Variants in FMN1 observed in about 807,000 individuals in gnomAD.
FMN1 encodes the protein formin 1.
FMN1 carries 110 observed loss-of-function variants against 132.4 expected under a neutral mutation model. The ratio of observed to expected loss-of-function variants is 0.83; its 90% CI spans 0.71 to 0.97. The LOEUF is 0.97. FMN1 is among the 50% of genes least tolerant of loss of function. The pLI is 0.00. For synonymous variants in FMN1, 722 were observed against 651.7 expected (o/e 1.11, Z -1.64); for missense variants, 1,792 against 1,705.3 (o/e 1.05, Z -0.90).
chr15:32,787,796 T>G (rs2056929445), intron 19 of FMN1, among the ~76,000 whole-genome samples: 1 of 152,140 alleles, frequency 6.6e-6, no homozygotes, highest in Admixed American at 6.5e-5. Context: ...GAGGTTACTA[T>G]GATGACACCA....
At chr15:32,820,353 T>C (rs534455106) in intron 17 of FMN1, among the ~76,000 whole-genome samples, 11 of 152,322 alleles carry the variant, frequency 7.2e-5, no homozygotes, top group South Asian at 4.1e-4. Context: ...AGAGAGGCTT[T>C]AATTCTATTA....
At position 32,968,721 on chromosome 15, in the gene FMN1, C is replaced by T. The variant is rs374834879; in HGVS notation, c.2980G>A (p.Asp994Asn). The T allele has an allele frequency of 8.1e-6, 13 of 1,613,380 alleles. No individual in the cohort carries two copies. The highest frequency in any genetic ancestry group is 3.3e-5 in the Admixed American group (2 of 59,954). The stretch of plus-strand genomic sequence containing the variant: ...GGATAGGGGAGAACTTACCTCCTAT[C>T]ACTTATTTGTATCCTAGTCCAATAT... ...PLYWTRIQIS[D>N]RSQNATPTLW... The change falls in exon 8 of 21, where the codon GAT becomes AAT. Residue 994 changes from aspartate to asparagine, a missense_variant. By Grantham distance (23) the Asp-to-Asn change is conservative. This residue lies in a region of FMN1 where 1,150 missense variants were observed against 1,043.1 expected (regional missense o/e 1.10). Coordinates refer to ENST00000616417, the MANE Select transcript of FMN1 (RefSeq NM_001277313.2).
At chr15:33,097,084 A>T (rs2039113571) in intron 4 of FMN1, among the ~76,000 whole-genome samples, 1 of 152,046 alleles carries the variant, frequency 6.6e-6, no homozygotes, top group Non-Finnish European at 1.5e-5. Context: ...ACTTAAGCTC[A>T]CGAGTTCAAG....
Position 32,783,785 on chromosome 15 carries a change from T to A in FMN1, c.4131-6866A>T, listed in dbSNP as rs1430012502. Among the ~76,000 whole-genome samples, 265 of 79,860 alleles carry A rather than the reference T, an allele frequency of 3.3e-3. 3 individuals are homozygous for A. Among genetic ancestry groups the A allele is most frequent in the African/African-American group, 8.3e-3 (183 of 22,012 alleles). 52.4% of individuals were successfully genotyped at this position (79,860 alleles called of 152,430 possible). On this transcript the variant is annotated intron_variant, in intron 19 of 20. Transcript: ENST00000616417. ...AAAAAAAAAAAAAAAAAAAAAAAAA[T>A]AGTTGAAGTGGCGTGGCTTTCCATT...
At chr15:33,066,783 T>C (rs1209577114) in intron 5 of FMN1, 1 of 1,613,814 alleles carries the variant, frequency 6.2e-7, no homozygotes, top group Non-Finnish European at 8.5e-7. Flanking sequence ...ATCTCTTCTC[T>C]CCTGGGCGAC....
intron 6 of FMN1, among the ~76,000 whole-genome samples, chr15:33,013,358 T>C (rs1355583047): frequency 1.3e-5 from 2 of 152,226 alleles, no homozygotes; most frequent in Non-Finnish European, 2.9e-5. Flanking sequence ...ATGCTATCAA[T>C]TGCTAAATGT....
intron 4 of FMN1, among the ~76,000 whole-genome samples, chr15:33,147,445 C>T (rs1013786154): frequency 5.3e-5 from 8 of 152,168 alleles, no homozygotes; most frequent in African/African-American, 1.9e-4. Context: ...TCTGCTATTT[C>T]TACACATCTT....
intron 5 of FMN1, among the ~76,000 whole-genome samples, chr15:33,076,285 C>T (rs1376852350): frequency 1.3e-5 from 2 of 152,160 alleles, no homozygotes; most frequent in Non-Finnish European, 2.9e-5. Context: ...GACTAAGTTG[C>T]TCCTGATAAA....
chr15:33,071,717 A>T (rs1037105930), intron 5 of FMN1, among the ~76,000 whole-genome samples: 1 of 152,198 alleles, frequency 6.6e-6, no homozygotes, highest in Admixed American at 6.5e-5. Flanking sequence ...TTTAACACGG[A>T]CTCTTTCAAG....
At chr15:32,872,004 T>C (rs560361168) in intron 16 of FMN1, among the ~76,000 whole-genome samples, 1 of 151,040 alleles carries the variant, frequency 6.6e-6, no homozygotes, top group African/African-American at 2.4e-5. Flanking sequence ...AATCACAGCA[T>C]AAAACTAGGT....
chr15:32,799,037 G>A, intron 18 of FMN1, 84 bp from the exon 19 acceptor site: 1 of 1,169,526 alleles, frequency 8.6e-7, no homozygotes, highest in Non-Finnish European at 1.2e-6. Context: ...GGATGCTGGG[G>A]GCAGTTTCTC....
At chr15:32,908,380 G>A in intron 12 of FMN1, 110 bp downstream of exon 12, 1 of 701,898 alleles carries the variant, frequency 1.4e-6, no homozygotes, top group South Asian at 1.7e-5. Context: ...TGACGGTGTT[G>A]TGATTTAGCT....
At chr15:33,087,441 G>A (rs1311013461) in intron 5 of FMN1, among the ~76,000 whole-genome samples, 1 of 152,176 alleles carries the variant, frequency 6.6e-6, no homozygotes, top group Non-Finnish European at 1.5e-5. Flanking sequence ...AGCTTCTCAG[G>A]AGGCTGAGGT....
rs1286006881 is a variant in FMN1 at position 33,154,715 on chromosome 15, T to C, written c.200A>G (p.Asp67Gly). 2 of 1,536,154 alleles carry C rather than the reference T, an allele frequency of 1.3e-6. No homozygotes were observed. Among genetic ancestry groups the C allele is most frequent in the South Asian group, 2.4e-5 (2 of 84,054 alleles). The change falls in exon 4 of 21, where the codon GAC becomes GGC. Residue 67 changes from aspartate (D) to glycine (G), a missense_variant. Coordinates refer to ENST00000616417, the MANE Select transcript of FMN1 (RefSeq NM_001277313.2). The stretch of plus-strand genomic sequence containing the variant: ...GAAAAATATGTCGCCTGGATGTTCG[T>C]CCGGCTCCTGGCTGAGGCTGATGAT... Reference protein sequence around the residue: ...SDIISLSQEPDEHPGDIFFKQ... With the variant: ...SDIISLSQEPGEHPGDIFFKQ...
chr15:32,932,791 G>A (rs910048436), intron 9 of FMN1, among the ~76,000 whole-genome samples: 7 of 152,148 alleles, frequency 4.6e-5, no homozygotes, highest in African/African-American at 1.7e-4. Flanking sequence ...GCATGTAATT[G>A]TTCATAGTAG....
chr15:33,031,719 C>T (rs147218177), intron 6 of FMN1, among the ~76,000 whole-genome samples: 3 of 152,168 alleles, frequency 2.0e-5, no homozygotes, highest in Admixed American at 1.3e-4. Flanking sequence ...CTGGCTCTCA[C>T]GACTGGCAAG....
intron 9 of FMN1, among the ~76,000 whole-genome samples, chr15:32,929,751 A>G (rs1262630415): frequency 6.8e-6 from 1 of 146,706 alleles, no homozygotes; most frequent in Non-Finnish European, 1.5e-5. Context: ...TGTTGTAGCA[A>G]ATGACAAGAT....
At chr15:32,801,507 C>T (rs1325362986) in intron 18 of FMN1, among the ~76,000 whole-genome samples, 3 of 152,106 alleles carry the variant, frequency 2.0e-5, no homozygotes, top group African/African-American at 7.2e-5. Flanking sequence ...TGGCTCACGC[C>T]TGTAATCCTA....
chr15:32,806,560 G>A (rs2057688545), intron 17 of FMN1, among the ~76,000 whole-genome samples: 1 of 152,152 alleles, frequency 6.6e-6, no homozygotes, highest in Admixed American at 6.5e-5. Context: ...CATCAGCCTT[G>A]ACATAGTATC....
Sources: allele counts gnomAD v4.1 joint callset (sites outside exome capture counted in the v4.1 genomes callset), GRCh38; gene constraint gnomAD v4.1.1; regional missense constraint gnomAD v4.1.1; transcripts MANE v1.5; gene names NCBI Gene and HGNC (gene_info 2026-07-23, HGNC 2026-07-21).